Variants in RNGTT observed in about 807,000 individuals in gnomAD.
RNGTT encodes mRNA-capping enzyme.
In RNGTT, 33 loss-of-function variants were observed where a neutral mutation model predicts 79.3. The ratio of observed to expected loss-of-function variants is 0.42; its 90% confidence interval spans 0.32 to 0.56. The LOEUF (loss-of-function observed/expected upper bound fraction) is 0.56. Ranked by LOEUF, RNGTT falls within the 20% of genes least tolerant of loss-of-function variation. The pLI is 0.17. For synonymous variants in RNGTT, 222 were observed against 235.9 expected, an observed-to-expected ratio of 0.94 and a Z score of 0.54; for missense variants, 497 against 739.1, an observed-to-expected ratio of 0.67 and a Z score of 3.80.
At chr6:88,888,006 ACT>A (rs1264719148) in intron 8 of RNGTT, among the ~76,000 whole-genome samples, 4 of 151,942 alleles carry the variant, frequency 2.6e-5, no homozygotes, top group African/African-American at 9.7e-5. Flanking sequence ...AATCCCAGCG[ACT>A]CTGGAGGCTG....
intron 13 of RNGTT, among the ~76,000 whole-genome samples, chr6:88,721,689 TAC>T (rs1370832857): frequency 6.6e-6 from 1 of 152,114 alleles, no homozygotes; most frequent in Non-Finnish European, 1.5e-5. Context: ...CAACCTTCCT[TAC>T]AGTCTAAGGT....
At position 88,866,311 on chromosome 6, in the gene RNGTT, C is replaced by T. The variant is rs117633857; in HGVS notation, c.897-12547G>A. Among the ~76,000 whole-genome samples the T allele has an allele frequency of 6.0e-3, 912 of 152,204 alleles. 4 individuals carry two copies. The highest frequency in any genetic ancestry group is 0.017 in the Middle Eastern group (5 of 294). ...CTCCCAAGTAGCATGCACTTACACA[C>T]GTTTATACCCCACCTCCAGTGCTGC... On this transcript the variant is annotated intron_variant, in intron 8 of 15. Transcript: ENST00000369485.
At chr6:88,845,266 G>A (rs781353113) in intron 10 of RNGTT, among the ~76,000 whole-genome samples, 2 of 152,120 alleles carry the variant, frequency 1.3e-5, no homozygotes, top group Non-Finnish European at 2.9e-5. Context: ...AGCTAACACA[G>A]AAGTTTACAT....
chr6:88,916,343 T>G (rs576072413), intron 4 of RNGTT, among the ~76,000 whole-genome samples: 5 of 152,180 alleles, frequency 3.3e-5, no homozygotes, highest in Non-Finnish European at 7.4e-5. Context: ...CATGGTGGTG[T>G]GTGCCTGTAG....
At chr6:88,678,975 T>A (rs1199676260) in intron 13 of RNGTT, among the ~76,000 whole-genome samples, 1 of 152,016 alleles carries the variant, frequency 6.6e-6, no homozygotes, top group Admixed American at 6.6e-5. Flanking sequence ...CTCTCCTGCC[T>A]CCCCTTCCAC....
chr6:88,783,939 A>G (rs1779147559), intron 12 of RNGTT, among the ~76,000 whole-genome samples: 1 of 152,174 alleles, frequency 6.6e-6, no homozygotes, highest in South Asian at 2.1e-4. Context: ...ATCAACTGCT[A>G]AGCCTGTGTC....
intron 12 of RNGTT, among the ~76,000 whole-genome samples, chr6:88,793,333 G>A (rs1779484127): frequency 1.3e-5 from 2 of 152,250 alleles, no homozygotes; most frequent in East Asian, 3.9e-4. Flanking sequence ...CAATTAAACT[G>A]TTACCAAAAT....
intron 12 of RNGTT, among the ~76,000 whole-genome samples, chr6:88,796,487 C>G (rs930265846): frequency 6.6e-6 from 1 of 152,092 alleles, no homozygotes; most frequent in Non-Finnish European, 1.5e-5. Flanking sequence ...GAATAAATAG[C>G]AAGGACAACC....
chr6:88,735,044 C>T (rs1219580165), intron 13 of RNGTT, among the ~76,000 whole-genome samples: 1 of 152,024 alleles, frequency 6.6e-6, no homozygotes, highest in Non-Finnish European at 1.5e-5. Context: ...TTATTAATTT[C>T]AAATGAAATA....
At chr6:88,790,297 A>G (rs1218368128) in intron 12 of RNGTT, among the ~76,000 whole-genome samples, 2 of 152,232 alleles carry the variant, frequency 1.3e-5, no homozygotes, top group African/African-American at 4.8e-5. Context: ...GGCATAGGAC[A>G]TAAAACAAGG....
At chr6:88,840,096 C>T (rs1355525997) in intron 11 of RNGTT, among the ~76,000 whole-genome samples, 1 of 152,090 alleles carries the variant, frequency 6.6e-6, no homozygotes, top group Admixed American at 6.5e-5. Flanking sequence ...AGCTACCATT[C>T]TTAAAATAAA....
chr6:88,938,466 G>A (rs567958411), intron 2 of RNGTT, among the ~76,000 whole-genome samples: 8 of 152,204 alleles, frequency 5.3e-5, no homozygotes, highest in East Asian at 1.9e-4. Context: ...TGGATAAGTC[G>A]TGTTTCTATA....
intron 12 of RNGTT, among the ~76,000 whole-genome samples, chr6:88,795,681 T>C (rs373192952): frequency 1.3e-5 from 2 of 149,774 alleles, no homozygotes; most frequent in East Asian, 3.9e-4. Context: ...CTTAAAAGTA[T>C]AATTTTTTAA....
At chr6:88,749,375 C>G (rs892612282) in intron 13 of RNGTT, among the ~76,000 whole-genome samples, 1 of 151,550 alleles carries the variant, frequency 6.6e-6, no homozygotes, top group Non-Finnish European at 1.5e-5. Flanking sequence ...TAAATGTTAA[C>G]TTTAGATTTA....
intron 12 of RNGTT, among the ~76,000 whole-genome samples, chr6:88,772,024 T>C (rs1032037807): frequency 1.3e-5 from 2 of 151,872 alleles, no homozygotes; most frequent in Admixed American, 1.3e-4. Context: ...CAAAAAAATT[T>C]AATAATTAGC....
intron 11 of RNGTT, among the ~76,000 whole-genome samples, chr6:88,803,804 C>T (rs2092541407): frequency 6.6e-6 from 1 of 151,960 alleles, no homozygotes; most frequent in Non-Finnish European, 1.5e-5. Context: ...ATGTAATGGA[C>T]CATGCCTGTA....
chr6:88,811,060 C>T (rs1780121984), intron 11 of RNGTT, among the ~76,000 whole-genome samples: 1 of 152,160 alleles, frequency 6.6e-6, no homozygotes, highest in Admixed American at 6.5e-5. Context: ...CGTGGTTCTA[C>T]TTAAATTACC....
At chr6:88,642,101 G>C (rs1250992137) in intron 14 of RNGTT, among the ~76,000 whole-genome samples, 1 of 152,116 alleles carries the variant, frequency 6.6e-6, no homozygotes, top group Non-Finnish European at 1.5e-5. Flanking sequence ...TTCTCCAGGA[G>C]GGTGTAGAGA....
At chr6:88,616,735 T>G (rs1772238506) in intron 14 of RNGTT, among the ~76,000 whole-genome samples, 1 of 152,170 alleles carries the variant, frequency 6.6e-6, no homozygotes, top group South Asian at 2.1e-4. Context: ...TTTTTTTAAT[T>G]GGGTTGTTTA....
Sources: gnomAD v4.1 joint callset for allele counts (sites outside exome capture counted in the v4.1 genomes callset) on GRCh38, gnomAD v4.1.1 for gene constraint, MANE v1.5 for transcripts, NCBI Gene and HGNC (gene_info 2026-07-23, HGNC 2026-07-21) for gene names.